Variants in CDCA2 observed in about 807,000 individuals in gnomAD.
The protein encoded by CDCA2 is cell division cycle associated 2, also known as cell division cycle-associated protein 2.
CDCA2 carries 44 observed loss-of-function variants against 67.0 expected under a neutral mutation model. The observed-to-expected ratio is 0.66, with a 90% CI of 0.52 to 0.84. The LOEUF is 0.84. CDCA2 is among the 40% of genes least tolerant of loss of function. The pLI is 0.00. For synonymous variants in CDCA2, 447 were observed against 418.7 expected, an observed-to-expected ratio of 1.07 and a Z score of -0.82; for missense variants, 1,253 against 1,203.2, an observed-to-expected ratio of 1.04 and a Z score of -0.61.
chr8:25,480,554 G>C (rs769121300), intron 8 of CDCA2, among the ~76,000 whole-genome samples: 5 of 151,774 alleles, frequency 3.3e-5, no homozygotes, highest in Non-Finnish European at 7.4e-5. Context: ...CTTTTTTCTC[G>C]AAGCTCAGTC....
At chr8:25,501,387 T>C (rs1804469178) in intron 13 of CDCA2, among the ~76,000 whole-genome samples, 2 of 152,216 alleles carry the variant, frequency 1.3e-5, no homozygotes, top group Non-Finnish European at 2.9e-5. Flanking sequence ...TTTCTTAAAT[T>C]TAAGATCAAA....
chr8:25,487,850 GA>G (rs1803844399), intron 12 of CDCA2, among the ~76,000 whole-genome samples: 1 of 152,224 alleles, frequency 6.6e-6, no homozygotes, highest in Admixed American at 6.5e-5. Context: ...GATGCTTTCA[GA>G]GCTGTGTTAA....
intron 7 of CDCA2, among the ~76,000 whole-genome samples, chr8:25,473,319 A>C (rs1803230759): frequency 6.6e-6 from 1 of 152,154 alleles, no homozygotes; most frequent in African/African-American, 2.4e-5. Context: ...TATGTCCTTT[A>C]TTGCGTTGAA....
intron 10 of CDCA2, among the ~76,000 whole-genome samples, chr8:25,485,412 A>G (rs1183648457): frequency 6.6e-6 from 1 of 151,986 alleles, no homozygotes; most frequent in Non-Finnish European, 1.5e-5. Context: ...CCTGAATAAC[A>G]TTATAACGTT....
Position 25,468,190 on chromosome 8 carries a change from C to T in CDCA2, c.539-27C>T, listed in dbSNP as rs377195766. The T allele has an allele frequency of 8.3e-5, 104 of 1,254,428 alleles. 1 individual carries two copies. Among genetic ancestry groups the T allele is most frequent in the East Asian group, 6.0e-4 (22 of 36,904 alleles). 77.7% of individuals were successfully genotyped at this position (1,254,428 alleles called of 1,614,324 possible). A position where few individuals can be genotyped will look rare whatever the true frequency, so the allele number is the denominator to read the frequency against. On this transcript the variant is annotated intron_variant, in intron 5 of 14. Transcript: ENST00000330560. ...TATATGAAAACATTTATGCCTGTGT[C>T]GTTTTGTTTTTATTTTGTGTTTATA...
At chr8:25,490,780 C>A (rs1803971471) in intron 13 of CDCA2, among the ~76,000 whole-genome samples, 1 of 152,178 alleles carries the variant, frequency 6.6e-6, no homozygotes. Context: ...CCAGCTCTTG[C>A]CCTAATGCAA....
chr8:25,492,651 G>T (rs1489742140), intron 13 of CDCA2, among the ~76,000 whole-genome samples: 1 of 152,168 alleles, frequency 6.6e-6, no homozygotes. Flanking sequence ...TCCCTCAAGG[G>T]GCCCGGAGGA....
chr8:25,497,782 A>T (rs1398005927), intron 13 of CDCA2, among the ~76,000 whole-genome samples: 1 of 152,222 alleles, frequency 6.6e-6, no homozygotes, highest in Non-Finnish European at 1.5e-5. Context: ...ATGTGTACAT[A>T]TGTCAAAACC....
chr8:25,483,628 T>C lies in CDCA2; in HGVS notation c.1120+142T>C, dbSNP rs913650717. 7.9e-6 allele frequency: 5 copies of C among 629,986 alleles called. No homozygotes were observed. In the African/African-American group the frequency reaches 9.3e-5, roughly 12 times the overall value. 39.0% of individuals were successfully genotyped at this position (629,986 alleles called of 1,614,324 possible). The stretch of plus-strand genomic sequence containing the variant: ...CGTGAATGAAGAACAGTTGAGAAGG[T>C]TAGAATCTCCTTGGAGAGCCTCAGA... On this transcript the variant is annotated intron_variant, in intron 9 of 14. Coordinates refer to ENST00000330560, the MANE Select transcript of CDCA2 (RefSeq NM_152562.4).
rs1451003866 is a variant in CDCA2 at position 25,468,135 on chromosome 8, A to AG, written c.539-82_539-81insG. Reference sequence around the variant, plus strand: ...CTCCGTCTCAAAAAAAAAAAAAAAAAAAAAGAAAAGAAAAAAAATATATAT... The same window carrying AG: ...CTCCGTCTCAAAAAAAAAAAAAAAAAGAAAAGAAAAGAAAAAAAATATATAT... On this transcript the variant is annotated intron_variant, in intron 5 of 14. Transcript: ENST00000330560. The AG allele has an allele frequency of 1.5e-4, 84 of 566,766 alleles. 1 individual carries two copies. Among genetic ancestry groups the AG allele is most frequent in the South Asian group, 5.0e-4 (6 of 11,898 alleles). 35.1% of individuals were successfully genotyped at this position (566,766 alleles called of 1,614,324 possible). A position where few individuals can be genotyped will look rare whatever the true frequency, so the allele number is the denominator to read the frequency against.
intron 7 of CDCA2, among the ~76,000 whole-genome samples, chr8:25,476,447 C>A (rs1803350280): frequency 1.3e-5 from 2 of 152,226 alleles, no homozygotes; most frequent in Admixed American, 1.3e-4. Flanking sequence ...GAGCAAAGGT[C>A]TTGGTCCTCT....
chr8:25,461,693 G>A (rs1802694612), intron 3 of CDCA2, among the ~76,000 whole-genome samples: 1 of 152,076 alleles, frequency 6.6e-6, no homozygotes, highest in South Asian at 2.1e-4. Context: ...TTCAGTTGCT[G>A]GGGATAAAAC....
chr8:25,506,425 CAG>C lies in CDCA2; in HGVS notation c.1844-84_1844-83del. 5 of 1,268,292 alleles carry C rather than the reference CAG, an allele frequency of 3.9e-6. No individual in the cohort carries two copies. In the South Asian group the frequency reaches 8.4e-5, roughly 21 times the overall value. The allele number at this position is 1,268,292 out of a possible 1,614,324, so 78.6% of individuals were successfully genotyped here. A position where few individuals can be genotyped will look rare whatever the true frequency, so the allele number is the denominator to read the frequency against. On this transcript the variant is annotated intron_variant, in intron 14 of 14. Transcript: ENST00000330560. ...GAATGCTTAAAACACAAAAACAAAA[CAG>C]GTCACCTGATTATTTAATAAATGTA... is the stretch of plus-strand genomic sequence containing the variant.
chr8:25,506,062 C>G (rs965012183), intron 14 of CDCA2, among the ~76,000 whole-genome samples: 3 of 152,178 alleles, frequency 2.0e-5, no homozygotes, highest in African/African-American at 7.2e-5. Context: ...CTCATAAGTC[C>G]TCAAATACCC....
At chr8:25,464,010 C>G (rs1016486074) in intron 4 of CDCA2, among the ~76,000 whole-genome samples, 1 of 152,232 alleles carries the variant, frequency 6.6e-6, no homozygotes, top group African/African-American at 2.4e-5. Context: ...TGTCCTGATT[C>G]TAGCTAAGCC....
chr8:25,464,237 A>G (rs1802812325), intron 4 of CDCA2, among the ~76,000 whole-genome samples: 1 of 152,114 alleles, frequency 6.6e-6, no homozygotes, highest in African/African-American at 2.4e-5. Flanking sequence ...AACATGACAA[A>G]ACTCCATCTC....
chr8:25,470,899 T>C (rs917712633), intron 7 of CDCA2, among the ~76,000 whole-genome samples: 1 of 152,084 alleles, frequency 6.6e-6, no homozygotes, highest in African/African-American at 2.4e-5. Flanking sequence ...GTAGCTGGGA[T>C]TACAGGCGTG....
chr8:25,487,971 T>A (rs1047153629), intron 12 of CDCA2, among the ~76,000 whole-genome samples: 4 of 152,154 alleles, frequency 2.6e-5, no homozygotes, highest in Admixed American at 2.6e-4. Flanking sequence ...ATAATATAAG[T>A]ATAATCTTTT....
At chr8:25,482,982 T>C (rs904551979) in intron 8 of CDCA2, among the ~76,000 whole-genome samples, 2 of 152,224 alleles carry the variant, frequency 1.3e-5, no homozygotes, top group African/African-American at 4.8e-5. Context: ...ATGTAAATAG[T>C]ATGCCATTAT....
Sources: gnomAD v4.1 joint callset for allele counts (sites outside exome capture counted in the v4.1 genomes callset) on GRCh38, gnomAD v4.1.1 for gene constraint, MANE v1.5 for transcripts, NCBI Gene and HGNC (gene_info 2026-07-23, HGNC 2026-07-21) for gene names.